TEC: variants seen among roughly 807,000 people sequenced by gnomAD.
TEC encodes the protein tec protein tyrosine kinase.
In TEC, 72 loss-of-function variants were observed where a neutral mutation model predicts 93.0. The observed-to-expected ratio is 0.77, with a 90% confidence interval of 0.64 to 0.94. The LOEUF (loss-of-function observed/expected upper bound fraction) is 0.94. Ranked by LOEUF, TEC falls within the 40% of genes least tolerant of loss-of-function variation. The pLI is 0.00. For synonymous variants in TEC, 249 were observed against 247.7 expected, an observed-to-expected ratio of 1.01 and a Z score of -0.05; for missense variants, 630 against 757.9, an observed-to-expected ratio of 0.83 and a Z score of 1.98.
chr4:48,253,688 C>T (rs1277803019), intron 1 of TEC, among the ~76,000 whole-genome samples: 1 of 151,356 alleles, frequency 6.6e-6, no homozygotes, highest in Non-Finnish European at 1.5e-5. Flanking sequence ...AATTCTCCTG[C>T]CTCAGCATCC....
chr4:48,174,828 T>C (rs1045704990), intron 3 of TEC, among the ~76,000 whole-genome samples: 2 of 152,190 alleles, frequency 1.3e-5, no homozygotes, highest in Admixed American at 1.3e-4. Flanking sequence ...AGTAAGAGAA[T>C]AGCAATAGTA....
intron 1 of TEC, among the ~76,000 whole-genome samples, chr4:48,259,905 CT>C (rs1724451535): frequency 6.6e-6 from 1 of 152,094 alleles, no homozygotes; most frequent in Non-Finnish European, 1.5e-5. Flanking sequence ...CTGGAGTTTC[CT>C]GAGGACATAA....
At position 48,150,993 on chromosome 4, in the gene TEC, T is replaced by C. The variant is rs2251240; in HGVS notation, c.793-51A>G. On this transcript the variant is annotated intron_variant, in intron 9 of 17. Transcript: ENST00000381501. ...TTTTTTACTCTAATTACTAATAGCA[T>C]TGCCATGGAGAAGACTAAAGAACCT... The C allele has an allele frequency of 7.9e-3, 9,233 of 1,166,930 alleles. 533 individuals carry two copies. The African/African-American group carries it at 0.13, about 16-fold the overall frequency. The allele number at this position is 1,166,930 out of a possible 1,614,324, so 72.3% of individuals were successfully genotyped here. A position where few individuals can be genotyped will look rare whatever the true frequency, so the allele number is the denominator to read the frequency against.
intron 9 of TEC, 101 bp downstream of exon 9, chr4:48,156,579 C>G (rs1720410551): frequency 3.7e-6 from 4 of 1,078,890 alleles, no homozygotes; most frequent in Non-Finnish European, 5.3e-6. Context: ...GACTTGCTCA[C>G]TGCTGAACAC....
At chr4:48,195,448 T>G (rs1560402947) in intron 2 of TEC, among the ~76,000 whole-genome samples, 1 of 152,180 alleles carries the variant, frequency 6.6e-6, no homozygotes, top group Non-Finnish European at 1.5e-5. Flanking sequence ...TTTGCTGTCC[T>G]TTGTGGTAAA....
intron 2 of TEC, among the ~76,000 whole-genome samples, chr4:48,208,517 C>T (rs1326946745): frequency 6.6e-6 from 1 of 152,018 alleles, no homozygotes; most frequent in Non-Finnish European, 1.5e-5. Flanking sequence ...CCCATGCCCA[C>T]CCCATTCCAC....
In TEC at chr4:48,211,726, A is replaced by C. The variant is rs181642548; in HGVS notation, c.138+16751T>G. On this transcript the variant is annotated intron_variant, in intron 2 of 17. Coordinates refer to ENST00000381501, the MANE Select transcript of TEC (RefSeq NM_003215.3). ...AAGAATCACTTAAAGTATATATGAA[A>C]TGTACCATTTAACAAAACTCACTTT... Among the ~76,000 whole-genome samples, 440 of 152,304 alleles carry C rather than the reference A, an allele frequency of 2.9e-3. 4 individuals carry two copies. Among genetic ancestry groups the C allele is most frequent in the African/African-American group, 0.01 (425 of 41,560 alleles).
chr4:48,182,505 C>T (rs975044629), intron 2 of TEC, among the ~76,000 whole-genome samples: 3 of 150,628 alleles, frequency 2.0e-5, no homozygotes, highest in Non-Finnish European at 4.4e-5. Flanking sequence ...AGTGTGCTGA[C>T]CCAGTATGCA....
At chr4:48,249,624 G>C (rs1022710690) in intron 1 of TEC, among the ~76,000 whole-genome samples, 1 of 152,216 alleles carries the variant, frequency 6.6e-6, no homozygotes, top group Non-Finnish European at 1.5e-5. Flanking sequence ...CTTCACAAAG[G>C]AAGTAATTAC....
chr4:48,235,201 A>C (rs527592308), intron 1 of TEC, among the ~76,000 whole-genome samples: 39 of 152,136 alleles, frequency 2.6e-4, no homozygotes, highest in Admixed American at 8.5e-4. Context: ...TTCAGGGGGG[A>C]AAATGGTCTA....
At chr4:48,218,872 A>G (rs1304546008) in intron 2 of TEC, among the ~76,000 whole-genome samples, 1 of 152,204 alleles carries the variant, frequency 6.6e-6, no homozygotes, top group Non-Finnish European at 1.5e-5. Flanking sequence ...TAACCTAGGT[A>G]AAATATTAAA....
Position 48,138,786 on chromosome 4 carries a change from A to G in TEC, c.1691T>C (p.Met564Thr). 6.2e-7 allele frequency: 1 copy of G among 1,614,078 alleles called. No individual in the cohort carries two copies. The highest frequency in any genetic ancestry group is 8.5e-7 in the Non-Finnish European group (1 of 1,179,964). Residue 564 changes from methionine to threonine, a missense_variant, in exon 17 of 18, where the codon ATG (methionine) becomes ACG (threonine). Met to Thr is a moderately conservative substitution (Grantham distance 81). Around this residue, in one of 3 missense-constraint regions of TEC, gnomAD observed 289 missense variants for 390.0 expected, o/e 0.74. Coordinates refer to ENST00000381501, the MANE Select transcript of TEC (RefSeq NM_003215.3). Reference sequence around the variant, plus strand: ...ATAATTGGTGTATTTTTCAAAAGGCATTCTGCCTTCCGTGAATACTTCCCA... The same window carrying G: ...ATAATTGGTGTATTTTTCAAAAGGCGTTCTGCCTTCCGTGAATACTTCCCA... The part of the protein sequence containing the change: ...LMWEVFTEGR[M>T]PFEKYTNYEV...
At chr4:48,183,138 C>A (rs1373814211) in intron 2 of TEC, among the ~76,000 whole-genome samples, 2 of 152,174 alleles carry the variant, frequency 1.3e-5, no homozygotes, top group Non-Finnish European at 2.9e-5. Flanking sequence ...ACAAGCAGAT[C>A]CTGACTTCTA....
chr4:48,146,655 G>A (rs1719928699), intron 11 of TEC, among the ~76,000 whole-genome samples: 1 of 152,086 alleles, frequency 6.6e-6, no homozygotes, highest in Admixed American at 6.6e-5. Flanking sequence ...GTTTCTAACA[G>A]TTATTTCGTG....
intron 2 of TEC, among the ~76,000 whole-genome samples, chr4:48,210,125 A>G (rs1297434164): frequency 6.6e-6 from 1 of 152,184 alleles, no homozygotes; most frequent in Non-Finnish European, 1.5e-5. Flanking sequence ...AGGGCTATGG[A>G]ATTGAAAGAG....
chr4:48,171,473 T>G, intron 3 of TEC, 24 bp from the exon 4 acceptor site: 1 of 1,605,124 alleles, frequency 6.2e-7, no homozygotes, highest in Non-Finnish European at 8.5e-7. Context: ...AAAGATGGAA[T>G]TGGTGAAGAG....
chr4:48,161,777 A>T (rs185562807), intron 8 of TEC, among the ~76,000 whole-genome samples: 2 of 152,104 alleles, frequency 1.3e-5, no homozygotes. Context: ...ACCCACCCTC[A>T]ATCTGGATGG....
At chr4:48,267,760 A>T (rs531740742) in intron 1 of TEC, among the ~76,000 whole-genome samples, 1 of 152,178 alleles carries the variant, frequency 6.6e-6, no homozygotes, top group Non-Finnish European at 1.5e-5. Flanking sequence ...ATCAACACTC[A>T]TGCTGACTCT....
At chr4:48,222,694 C>G (rs1577652152) in intron 2 of TEC, among the ~76,000 whole-genome samples, 1 of 126,402 alleles carries the variant, frequency 7.9e-6, no homozygotes, top group Admixed American at 8.5e-5. Flanking sequence ...ACTACTTGGG[C>G]TGAAACATCC....
Sources: allele counts gnomAD v4.1 joint callset (sites outside exome capture counted in the v4.1 genomes callset), GRCh38; gene constraint gnomAD v4.1.1; regional missense constraint gnomAD v4.1.1; transcripts MANE v1.5; gene names NCBI Gene and HGNC (gene_info 2026-07-23, HGNC 2026-07-21).